Variants in ALMS1 observed in about 807,000 individuals in gnomAD.
ALMS1 encodes ALMS1 centrosome and basal body associated protein.
Under a neutral mutation model 352.2 loss-of-function variants are expected in ALMS1, and 271 were observed. That is an observed-to-expected ratio of 0.77 (90% CI 0.70 to 0.85). ALMS1 has a LOEUF of 0.85. ALMS1 is among the 40% of genes least tolerant of loss of function. The pLI is 0.00. For missense variants in ALMS1, 5,445 were observed against 4,870.7 expected (o/e 1.12, Z -3.51); for synonymous variants, 1,865 against 1,761.2 (o/e 1.06, Z -1.48).
Position 73,602,758 on chromosome 2 carries a change from G to A in ALMS1, c.12298+390G>A, listed in dbSNP as rs1180607124. 2.6e-5 allele frequency among the ~76,000 whole-genome samples: 4 copies of A among 152,138 alleles called. No individual in the cohort carries two copies. In the East Asian group the frequency reaches 5.8e-4, roughly 22 times the overall value. On this transcript the variant is annotated intron_variant, in intron 20 of 22. Coordinates refer to ENST00000613296, the MANE Select transcript of ALMS1 (RefSeq NM_001378454.1). ...TTGCCCAGGCACTGTTCACATTAGCGCTTACAGCACTCTCAGTAGGTACTA... is the reference window on the plus strand; with the variant it reads ...TTGCCCAGGCACTGTTCACATTAGCACTTACAGCACTCTCAGTAGGTACTA...
intron 10 of ALMS1, among the ~76,000 whole-genome samples, chr2:73,498,725 A>G (rs967152870): frequency 6.6e-6 from 1 of 152,142 alleles, no homozygotes; most frequent in Admixed American, 6.5e-5. Flanking sequence ...AGTTCCATCC[A>G]TATTGTTGTA....
intron 1 of ALMS1, among the ~76,000 whole-genome samples, chr2:73,392,260 ATGTGTGTGTGTGTGTGTGTGTGTGTG>A (rs60487895): frequency 6.8e-6 from 1 of 146,354 alleles, no homozygotes; most frequent in Non-Finnish European, 1.5e-5. Context: ...GTTTACTTTG[ATGTGTGTGTGTGTGTGTGTGTGTGTG>A]TGTGTGTGTG....
rs1674601682 is a variant in ALMS1 at position 73,559,011 on chromosome 2, T to G, written c.10253T>G (p.Val3418Gly). The G allele has an allele frequency of 6.2e-7, 1 of 1,614,006 alleles. No individual in the cohort carries two copies. Among genetic ancestry groups the G allele is most frequent in the Non-Finnish European group, 8.5e-7 (1 of 1,179,936 alleles). Residue 3418 changes from valine to glycine, a missense_variant, in exon 15 of 23, where the codon GTA becomes GGA. Physicochemically the swap from Val to Gly is moderately radical, Grantham distance 109. Coordinates refer to ENST00000613296, the MANE Select transcript of ALMS1 (RefSeq NM_001378454.1). Reference sequence around the variant, plus strand: ...GCTGCTGCAGAGCACTCAGCTCAAGTAGGAGACCCAGAAATGAAGAACTTG... The same window carrying G: ...GCTGCTGCAGAGCACTCAGCTCAAGGAGGAGACCCAGAAATGAAGAACTTG... The part of the protein sequence containing the change: ...AAAAAEHSAQ[V>G]GDPEMKNLPD...
At chr2:73,439,829 T>G (rs1232120503) in intron 7 of ALMS1, among the ~76,000 whole-genome samples, 3 of 151,994 alleles carry the variant, frequency 2.0e-5, no homozygotes, top group African/African-American at 7.3e-5. Context: ...GTAGTTTGTT[T>G]ATTTATACAA....
In ALMS1 at chr2:73,490,129, A is replaced by G. The variant is rs749047311; in HGVS notation, c.8170A>G (p.Lys2724Glu). The change falls in exon 10 of 23, where the codon AAA becomes GAA. Residue 2724 changes from lysine (K) to glutamate (E), a missense_variant. By Grantham distance (56) the Lys-to-Glu change is moderately conservative. Transcript: ENST00000613296. The stretch of plus-strand genomic sequence containing the variant: ...CACTTTTTCATCTCACCGACATTCT[A>G]AATGCATTTCCAATTCCTCTGTTGT... ...SITFSSHRHS[K>E]CISNSSVVKV... 2.5e-6 allele frequency: 4 copies of G among 1,614,202 alleles called. No individual in the cohort carries two copies. Among genetic ancestry groups the G allele is most frequent in the Non-Finnish European group, 2.5e-6 (3 of 1,180,034 alleles).
chr2:73,602,153 G>C lies in ALMS1; in HGVS notation c.12115-32G>C, dbSNP rs748015568. On this transcript the variant is annotated intron_variant, in intron 19 of 22. Transcript: ENST00000613296. The stretch of plus-strand genomic sequence containing the variant: ...GAGTAGATTGCATCATTAATCTGAG[G>C]CTGGGCATTTTCTCTTTTTTTTTTC... 2.5e-6 allele frequency: 4 copies of C among 1,596,122 alleles called. No homozygotes were observed. The South Asian group carries it at 3.4e-5, about 13-fold the overall frequency.
At chr2:73,411,883 A>G (rs1299326778) in intron 2 of ALMS1, among the ~76,000 whole-genome samples, 1 of 152,110 alleles carries the variant, frequency 6.6e-6, no homozygotes, top group Non-Finnish European at 1.5e-5. Flanking sequence ...GTAGTTACTC[A>G]TCCCATGATC....
At chr2:73,525,962 AAGAT>A (rs929122032) in intron 11 of ALMS1, among the ~76,000 whole-genome samples, 7 of 152,220 alleles carry the variant, frequency 4.6e-5, no homozygotes, top group Non-Finnish European at 8.8e-5. Flanking sequence ...TATATGATGA[AAGAT>A]AGAGGTTTAG....
chr2:73,402,218 AG>A (rs1670886730), intron 1 of ALMS1, among the ~76,000 whole-genome samples: 1 of 149,930 alleles, frequency 6.7e-6, no homozygotes, highest in Non-Finnish European at 1.5e-5. Flanking sequence ...TGGAATTGCT[AG>A]GTCATACAAG....
Position 73,426,448 on chromosome 2 carries a change from T to C in ALMS1, c.1238-5T>C, listed in dbSNP as rs1671380405. 1 of 1,613,986 alleles carries C rather than the reference T, an allele frequency of 6.2e-7. No individual in the cohort carries two copies. Among genetic ancestry groups the C allele is most frequent in the East Asian group, 2.2e-5 (1 of 44,882 alleles). ...CAATTATGCAAAATGACTCCTATTT[T>C]GTAGAGGGCCTGCAGGGGAAGGTTG... On this transcript the variant is annotated splice_region_variant and splice_polypyrimidine_tract_variant and intron_variant, in intron 5 of 22. Transcript: ENST00000613296.
intron 7 of ALMS1, among the ~76,000 whole-genome samples, chr2:73,438,838 G>C (rs1671657675): frequency 6.6e-6 from 1 of 151,640 alleles, no homozygotes; most frequent in South Asian, 2.1e-4. Flanking sequence ...TATCACACTG[G>C]ATTTTGTTGC....
intron 17 of ALMS1, among the ~76,000 whole-genome samples, chr2:73,600,431 T>C (rs1490126004): frequency 1.3e-5 from 2 of 152,224 alleles, no homozygotes; most frequent in Admixed American, 6.5e-5. Flanking sequence ...TGAACCCATA[T>C]TCATTCTTCT....
At chr2:73,469,189 G>GA (rs755724074) in intron 9 of ALMS1, among the ~76,000 whole-genome samples, 25 of 148,776 alleles carry the variant, frequency 1.7e-4, no homozygotes, top group East Asian at 5.9e-4. Flanking sequence ...AACAAGTTTA[G>GA]AAAAAAAAAC....
chr2:73,586,615 TTTA>T (rs1441723398), intron 16 of ALMS1, among the ~76,000 whole-genome samples: 1 of 152,194 alleles, frequency 6.6e-6, no homozygotes, highest in African/African-American at 2.4e-5. Context: ...GGTGCCTATT[TTTA>T]TACCAGTACC....
chr2:73,412,083 A>G (rs1671088628), intron 2 of ALMS1, among the ~76,000 whole-genome samples: 1 of 152,198 alleles, frequency 6.6e-6, no homozygotes, highest in African/African-American at 2.4e-5. Flanking sequence ...GGTTTATTGT[A>G]GGTATAGGTT....
chr2:73,513,526 C>A (rs947098769), intron 10 of ALMS1, among the ~76,000 whole-genome samples: 1 of 152,162 alleles, frequency 6.6e-6, no homozygotes, highest in Non-Finnish European at 1.5e-5. Context: ...CTCCTGTCAC[C>A]CTGCTTGAGT....
At chr2:73,467,374 A>T (rs1672378618) in intron 9 of ALMS1, among the ~76,000 whole-genome samples, 1 of 152,104 alleles carries the variant, frequency 6.6e-6, no homozygotes, top group Non-Finnish European at 1.5e-5. Context: ...TGTCAATATC[A>T]CTGCCTGTTT....
rs756288964 is a variant in ALMS1 at position 73,599,539 on chromosome 2, A to C, written c.11668+18A>C. The C allele has an allele frequency of 3.7e-6, 6 of 1,612,052 alleles. No homozygotes were observed. The South Asian group carries it at 6.6e-5, about 18-fold the overall frequency. On this transcript the variant is annotated intron_variant, in intron 17 of 22. Coordinates refer to ENST00000613296, the MANE Select transcript of ALMS1 (RefSeq NM_001378454.1). ...ACAAGCAGGTAATTACTTGAATCTA[A>C]ACTTTTTCATTGAAATACATTGAAA...
At chr2:73,609,099 T>A (rs1310149878) in intron 22 of ALMS1, among the ~76,000 whole-genome samples, 5 of 152,226 alleles carry the variant, frequency 3.3e-5, no homozygotes, top group African/African-American at 4.8e-5. Flanking sequence ...TACCAGTTAA[T>A]TCTCTGAGAA....
Sources: gnomAD v4.1 joint callset for allele counts (sites outside exome capture counted in the v4.1 genomes callset) on GRCh38, gnomAD v4.1.1 for gene constraint, MANE v1.5 for transcripts, NCBI Gene and HGNC (gene_info 2026-07-23, HGNC 2026-07-21) for gene names.